Variants in SH3BP5 observed in about 807,000 individuals in gnomAD.
The protein encoded by SH3BP5 is SH3 domain-binding protein 5.
A neutral mutation model predicts 43.3 loss-of-function variants in SH3BP5; 22 were observed. That is an observed-to-expected ratio of 0.51 (90% confidence interval 0.36 to 0.73). SH3BP5 has a LOEUF of 0.73. SH3BP5 is among the 30% of genes least tolerant of loss of function. SH3BP5 has a pLI of 0.00. For missense variants in SH3BP5, 529 were observed against 586.9 expected (o/e 0.90, Z 1.02); for synonymous variants, 255 against 225.8 (o/e 1.13, Z -1.16).
chr3:15,308,040 A>T (rs9811012), intron 2 of SH3BP5, among the ~76,000 whole-genome samples: 2,922 of 152,326 alleles, frequency 0.019, 87 homozygotes, highest in African/African-American at 0.064. Context: ...TTTAAAGAAA[A>T]AAAATAGCTA....
chr3:15,323,468 A>G (rs917142995), intron 2 of SH3BP5, among the ~76,000 whole-genome samples: 26 of 152,278 alleles, frequency 1.7e-4, no homozygotes, highest in Non-Finnish European at 3.7e-4. Context: ...CCAAGCACAC[A>G]GGGGGCCCTC....
chr3:15,319,919 A>G (rs1406129803), intron 2 of SH3BP5, among the ~76,000 whole-genome samples: 1 of 152,154 alleles, frequency 6.6e-6, no homozygotes. Flanking sequence ...TGACCCACAA[A>G]TCATAGGCAA....
chr3:15,301,967 G>A (rs966515635), intron 3 of SH3BP5, among the ~76,000 whole-genome samples: 5 of 152,174 alleles, frequency 3.3e-5, no homozygotes, highest in African/African-American at 1.2e-4. Flanking sequence ...CACGTGGGCT[G>A]CTTTTAATAG....
intron 3 of SH3BP5, among the ~76,000 whole-genome samples, chr3:15,294,473 C>A (rs919862894): frequency 5.9e-5 from 9 of 152,048 alleles, no homozygotes; most frequent in Non-Finnish European, 8.8e-5. Flanking sequence ...AAACTGTCAC[C>A]GCCATACCAC....
At position 15,267,473 on chromosome 3, in the gene SH3BP5, G is replaced by C. The variant is rs537745701; in HGVS notation, c.495+2240C>G. On this transcript the variant is annotated intron_variant, in intron 4 of 8. Coordinates refer to ENST00000383791, the MANE Select transcript of SH3BP5 (RefSeq NM_004844.5). ...GCAACTGTGAAGGGATCTGGGAAGA[G>C]GAATATCAGCTCAAAGGTGGAAATC... Among the ~76,000 whole-genome samples the C allele has an allele frequency of 7.9e-5, 12 of 152,324 alleles. No homozygotes were observed. The South Asian group carries it at 2.5e-3, about 32-fold the overall frequency.
At chr3:15,329,954 G>A (rs986283429) in intron 2 of SH3BP5, among the ~76,000 whole-genome samples, 2 of 152,188 alleles carry the variant, frequency 1.3e-5, no homozygotes, top group Admixed American at 6.5e-5. Flanking sequence ...AGCAGGAAAG[G>A]CCTTCCCAGT....
chr3:15,259,545 A>C (rs9817868), intron 6 of SH3BP5: 176 of 638,966 alleles, frequency 2.8e-4, no homozygotes, highest in Non-Finnish European at 4.7e-4. Flanking sequence ...CCACTGGCCT[A>C]GTACAACAGA....
chr3:15,287,695 G>C (rs1388530405), intron 3 of SH3BP5, among the ~76,000 whole-genome samples: 3 of 152,196 alleles, frequency 2.0e-5, no homozygotes, highest in Non-Finnish European at 4.4e-5. Flanking sequence ...TGGGAAGAAA[G>C]AAGTCACAGG....
intron 1 of SH3BP5, 71 bp from the exon 2 acceptor site, chr3:15,330,637 T>C: frequency 7.1e-7 from 1 of 1,407,316 alleles, no homozygotes; most frequent in Non-Finnish European, 9.4e-7. Context: ...ACTCAGTCCA[T>C]AACCTGAAAA....
At chr3:15,270,482 G>C (rs973488599) in intron 3 of SH3BP5, among the ~76,000 whole-genome samples, 9 of 152,272 alleles carry the variant, frequency 5.9e-5, no homozygotes, top group Non-Finnish European at 1.3e-4. Context: ...GACAGGCCAA[G>C]TATGGCACCA....
At chr3:15,303,342 A>G (rs1262293152) in intron 3 of SH3BP5, among the ~76,000 whole-genome samples, 2 of 152,226 alleles carry the variant, frequency 1.3e-5, no homozygotes, top group Non-Finnish European at 2.9e-5. Flanking sequence ...GAAGGTGAAT[A>G]AAGCCCCCAG....
At chr3:15,301,052 C>G (rs1174003092) in intron 3 of SH3BP5, among the ~76,000 whole-genome samples, 1 of 152,174 alleles carries the variant, frequency 6.6e-6, no homozygotes, top group Non-Finnish European at 1.5e-5. Context: ...GACTAGGAGC[C>G]TCCCAGCCAG....
At chr3:15,337,519 C>T (rs544086715), upstream of SH3BP5, among the ~76,000 whole-genome samples, 26 of 152,250 alleles carry the variant, frequency 1.7e-4, no homozygotes, top group African/African-American at 6.0e-4. Flanking sequence ...TTTTCAGCCC[C>T]TACTATATGC....
intron 2 of SH3BP5, among the ~76,000 whole-genome samples, chr3:15,317,999 T>C (rs1384991660): frequency 1.3e-5 from 2 of 152,188 alleles, no homozygotes; most frequent in Non-Finnish European, 2.9e-5. Flanking sequence ...TTTAAGGGTA[T>C]GGGCTCCAGC....
intron 3 of SH3BP5, among the ~76,000 whole-genome samples, chr3:15,286,104 G>A (rs997341749): frequency 3.3e-5 from 5 of 152,198 alleles, no homozygotes; most frequent in Admixed American, 6.5e-5. Context: ...TGCAGCCGGC[G>A]GGCCCTGGCC....
rs564693167 is a variant in SH3BP5 at position 15,288,478 on chromosome 3, C to T, written c.330+15625G>A. ...AGACCGGTTGAAAGGCTATTTCAGG[C>T]CGGGGGCGGTGGCTAACGCCTGTAA... On this transcript the variant is annotated intron_variant, in intron 3 of 8. Coordinates refer to ENST00000383791, the MANE Select transcript of SH3BP5 (RefSeq NM_004844.5). Among the ~76,000 whole-genome samples, 30 of 152,204 alleles carry T rather than the reference C, an allele frequency of 2.0e-4. 1 individual carries two copies. Among genetic ancestry groups the T allele is most frequent in the Non-Finnish European group, 2.9e-4 (20 of 68,048 alleles).
chr3:15,276,058 A>C (rs1696956245), intron 3 of SH3BP5: 1 of 150,514 alleles, frequency 6.6e-6, no homozygotes, highest in Admixed American at 6.6e-5. Context: ...TCATAAATGA[A>C]TGTGATGTGA....
chr3:15,332,332 T>G lies in SH3BP5; in HGVS notation c.77A>C (p.Glu26Ala), dbSNP rs1429690129. ...ILPPARDEEE[E>A]EEEGMEQGLE... ...CCCCTGCTCCATCCCCTCTTCCTCC[T>G]CCTCCTCCTCGTCCCGGGCAGGCGG... The change falls in exon 1 of 9, where the codon GAG becomes GCG. Residue 26 changes from glutamate to alanine, a missense_variant. Around this residue, in one of 3 missense-constraint regions of SH3BP5, gnomAD observed 75 missense variants for 61.8 expected, o/e 1.21. Transcript: ENST00000383791. The G allele has an allele frequency of 3.9e-6, 6 of 1,544,436 alleles. No homozygotes were observed. The Admixed American group carries it at 1.2e-4, about 30-fold the overall frequency.
intron 2 of SH3BP5, among the ~76,000 whole-genome samples, chr3:15,314,663 C>T (rs1698143565): frequency 2.0e-5 from 3 of 152,192 alleles, no homozygotes; most frequent in South Asian, 4.1e-4. Context: ...AATTCCACAG[C>T]AGTTTGTGTC....
Sources: allele counts gnomAD v4.1 joint callset (sites outside exome capture counted in the v4.1 genomes callset), GRCh38; gene constraint gnomAD v4.1.1; regional missense constraint gnomAD v4.1.1; transcripts MANE v1.5; gene names NCBI Gene and HGNC (gene_info 2026-07-23, HGNC 2026-07-21).